The following INPP5A variants were observed in gnomAD, a reference collection of about 807,000 sequenced individuals.
INPP5A encodes inositol polyphosphate-5-phosphatase A.
A neutral mutation model predicts 65.2 loss-of-function variants in INPP5A; 14 were observed. The ratio of observed to expected loss-of-function variants is 0.21; its 90% CI spans 0.14 to 0.34. The LOEUF is 0.34. INPP5A is among the 10% of genes least tolerant of loss of function. INPP5A has a pLI of 1.00. For synonymous variants in INPP5A, 207 were observed against 208.3 expected, an observed-to-expected ratio of 0.99 and a Z score of 0.05; for missense variants, 431 against 545.6, an observed-to-expected ratio of 0.79 and a Z score of 2.09.
intron 9 of INPP5A, among the ~76,000 whole-genome samples, chr10:132,730,057 C>T (rs1001079714): frequency 1.3e-5 from 2 of 152,236 alleles, no homozygotes; most frequent in Non-Finnish European, 2.9e-5. Context: ...TTTTTTATCA[C>T]TTTCCCATCC....
chr10:132,556,589 A>C (rs143415527), intron 1 of INPP5A, among the ~76,000 whole-genome samples: 1 of 152,350 alleles, frequency 6.6e-6, no homozygotes, highest in African/African-American at 2.4e-5. Flanking sequence ...ACATAGGCAC[A>C]CACATGTGCA....
intron 9 of INPP5A, among the ~76,000 whole-genome samples, chr10:132,731,783 G>C (rs763096874): frequency 6.6e-6 from 1 of 152,216 alleles, no homozygotes; most frequent in African/African-American, 2.4e-5. Flanking sequence ...GTGTTCACAC[G>C]AATCGGCAGA....
At chr10:132,733,686 G>A (rs1487412800) in intron 9 of INPP5A, among the ~76,000 whole-genome samples, 1 of 152,198 alleles carries the variant, frequency 6.6e-6, no homozygotes, top group Non-Finnish European at 1.5e-5. Flanking sequence ...CCTCATACCG[G>A]CACCAGATCA....
intron 1 of INPP5A, among the ~76,000 whole-genome samples, chr10:132,564,463 C>T (rs1197806167): frequency 6.6e-6 from 1 of 152,098 alleles, no homozygotes. Context: ...GAGCCCCTGG[C>T]TGCCTCCCTG....
intron 1 of INPP5A, among the ~76,000 whole-genome samples, chr10:132,596,779 G>A (rs1479605405): frequency 6.6e-6 from 1 of 152,092 alleles, no homozygotes; most frequent in African/African-American, 2.4e-5. Context: ...ATGTGTGTTT[G>A]TGTGCAGGCT....
intron 8 of INPP5A, among the ~76,000 whole-genome samples, chr10:132,714,750 G>C (rs749991034): frequency 3.9e-5 from 6 of 152,242 alleles, no homozygotes; most frequent in Non-Finnish European, 8.8e-5. Context: ...CAAGCTCTGA[G>C]TTAAAGTCTT....
chr10:132,591,448 T>C (rs2071618184), intron 1 of INPP5A, among the ~76,000 whole-genome samples: 2 of 152,262 alleles, frequency 1.3e-5, no homozygotes, highest in African/African-American at 4.8e-5. Flanking sequence ...CGCCGAGTCA[T>C]GGTCCCTGGA....
chr10:132,542,567 G>A (rs573024771), intron 1 of INPP5A, among the ~76,000 whole-genome samples: 1 of 152,318 alleles, frequency 6.6e-6, no homozygotes, highest in Admixed American at 6.5e-5. Flanking sequence ...ACTCTCTACC[G>A]TGGCAGCCCT....
At chr10:132,756,398 G>C (rs1003064538) in intron 11 of INPP5A, among the ~76,000 whole-genome samples, 4 of 152,180 alleles carry the variant, frequency 2.6e-5, no homozygotes, top group Non-Finnish European at 4.4e-5. Context: ...GCGTGTACTT[G>C]TATGCACTTG....
chr10:132,650,593 C>T lies in INPP5A; in HGVS notation c.306+88C>T. 1 of 926,532 alleles carries T rather than the reference C, an allele frequency of 1.1e-6. No homozygotes were observed. Among genetic ancestry groups the T allele is most frequent in the Non-Finnish European group, 1.7e-6 (1 of 574,574 alleles). The allele number at this position is 926,532 out of a possible 1,614,324, so 57.4% of individuals were successfully genotyped here. On this transcript the variant is annotated intron_variant, in intron 4 of 15. Coordinates refer to ENST00000368594, the MANE Select transcript of INPP5A (RefSeq NM_005539.5). The surrounding 1 kb of genome is among the most constrained non-coding windows in gnomAD (Gnocchi z 5.5). ...TTCTCCTGTGTAAATGGAGAGAGGT[C>T]GGGGTGCTCCCTGCCTGAAGCCTCA...
In INPP5A at chr10:132,671,299, C is replaced by T. The variant is rs1206293198; in HGVS notation, c.307-19093C>T. ...ATGACTTAGGAGTGGAGAGTTCAAACGTGGGCTGCGGCGAGGCTTGTGCCC... is the reference window on the plus strand; with the variant it reads ...ATGACTTAGGAGTGGAGAGTTCAAATGTGGGCTGCGGCGAGGCTTGTGCCC... On this transcript the variant is annotated intron_variant, in intron 4 of 15. Transcript: ENST00000368594. Among the ~76,000 whole-genome samples, 8 of 151,640 alleles carry T rather than the reference C, an allele frequency of 5.3e-5. 1 individual carries two copies. Among genetic ancestry groups the T allele is most frequent in the African/African-American group, 1.5e-4 (6 of 41,378 alleles).
rs916254178 is a variant in INPP5A at position 132,676,025 on chromosome 10, T to C, written c.307-14367T>C. ...CCATTTTAATTAGGATGCAAACTCCTTACATAATTTAATTGGCATAAAAGT... is the reference window on the plus strand; with the variant it reads ...CCATTTTAATTAGGATGCAAACTCCCTACATAATTTAATTGGCATAAAAGT... On this transcript the variant is annotated intron_variant, in intron 4 of 15. Coordinates refer to ENST00000368594, the MANE Select transcript of INPP5A (RefSeq NM_005539.5). The surrounding 1 kb of genome is among the most constrained non-coding windows in gnomAD (Gnocchi z 4.0). 3.3e-5 allele frequency among the ~76,000 whole-genome samples: 5 copies of C among 152,224 alleles called. No individual in the cohort carries two copies. The highest frequency in any genetic ancestry group is 1.3e-4 in the Admixed American group (2 of 15,288).
intron 12 of INPP5A, among the ~76,000 whole-genome samples, chr10:132,776,861 G>T (rs948492914): frequency 6.6e-6 from 1 of 152,176 alleles, no homozygotes; most frequent in South Asian, 2.1e-4. Flanking sequence ...GCTGGTGGGG[G>T]AGTGATCAGT....
At chr10:132,664,638 C>T (rs2072779209) in intron 4 of INPP5A, among the ~76,000 whole-genome samples, 1 of 152,242 alleles carries the variant, frequency 6.6e-6, no homozygotes, top group Admixed American at 6.5e-5. Flanking sequence ...TCTCTCACAG[C>T]CACGTCTGCT....
chr10:132,580,731 C>A (rs1050764737), intron 1 of INPP5A, among the ~76,000 whole-genome samples: 1 of 152,218 alleles, frequency 6.6e-6, no homozygotes. Context: ...CACTTAGATT[C>A]TATCATTAAT....
intron 1 of INPP5A, among the ~76,000 whole-genome samples, chr10:132,539,796 CTT>C (rs970730313): frequency 1.3e-5 from 2 of 151,098 alleles, no homozygotes; most frequent in African/African-American, 4.9e-5. Context: ...GGTCTTGTGT[CTT>C]TGCTGGCAGC....
At position 132,717,260 on chromosome 10, in the gene INPP5A, C is replaced by T. The variant is rs979825994; in HGVS notation, c.647+6804C>T. 3.3e-5 allele frequency among the ~76,000 whole-genome samples: 5 copies of T among 152,198 alleles called. 1 individual carries two copies. Among genetic ancestry groups the T allele is most frequent in the African/African-American group, 7.2e-5 (3 of 41,450 alleles). ...GGGCCCCGCCTCCCTCCCCCACCCC[C>T]GTGACCTCAGGTGCTGGCCCCTAAA... On this transcript the variant is annotated intron_variant, in intron 8 of 15. Coordinates refer to ENST00000368594, the MANE Select transcript of INPP5A (RefSeq NM_005539.5).
chr10:132,682,239 A>G (rs1452237981), intron 4 of INPP5A, among the ~76,000 whole-genome samples: 3 of 149,026 alleles, frequency 2.0e-5, no homozygotes, highest in Non-Finnish European at 3.0e-5. Flanking sequence ...CTGGAGATGG[A>G]TGTTGTGATG....
At chr10:132,702,144 C>T (rs561192783) in intron 6 of INPP5A, among the ~76,000 whole-genome samples, 6 of 152,176 alleles carry the variant, frequency 3.9e-5, no homozygotes, top group Admixed American at 1.3e-4. Context: ...GCTGCTCTGA[C>T]GAGCTTACCT....
Sources: gnomAD v4.1 joint callset for allele counts (sites outside exome capture counted in the v4.1 genomes callset) on GRCh38, gnomAD v4.1.1 for gene constraint, Gnocchi (gnomAD v3.1) non-coding constraint, MANE v1.5 for transcripts, NCBI Gene and HGNC (gene_info 2026-07-23, HGNC 2026-07-21) for gene names.